Variants in MYO3B observed in about 807,000 individuals in gnomAD.
MYO3B encodes myosin IIIB.
Under a neutral mutation model 174.6 loss-of-function variants are expected in MYO3B, and 156 were observed. The observed-to-expected ratio is 0.89, with a 90% CI of 0.78 to 1.02. The LOEUF (loss-of-function observed/expected upper bound fraction) is 1.02, where lower values mean the gene tolerates loss of function less well. Among genes scored for constraint, MYO3B ranks in the 50% least tolerant of loss-of-function variants. The pLI is 0.00. For synonymous variants in MYO3B, 563 were observed against 569.1 expected (o/e 0.99, Z 0.15); for missense variants, 1,632 against 1,639.4 (o/e 1.00, Z 0.08).
intron 14 of MYO3B, 74 bp downstream of exon 14, chr2:170,387,382 C>A: frequency 7.3e-7 from 1 of 1,368,458 alleles, no homozygotes. Flanking sequence ...TTTAATGGTT[C>A]AGTTTTCATT....
intron 32 of MYO3B, among the ~76,000 whole-genome samples, chr2:170,631,276 T>C (rs1479011239): frequency 1.3e-5 from 2 of 152,112 alleles, no homozygotes. Flanking sequence ...TAGCCGACTC[T>C]ATCAACTGGA....
At chr2:170,406,688 C>CTCTT (rs58570436) in intron 21 of MYO3B, among the ~76,000 whole-genome samples, 140,076 of 151,988 alleles carry the variant, frequency 0.92, 64,768 homozygotes, top group Middle Eastern at 0.98. Context: ...GTCTTCTTGA[C>CTCTT]TCTTACTATT....
At chr2:170,321,497 A>G (rs1051528050) in intron 7 of MYO3B, among the ~76,000 whole-genome samples, 7 of 152,204 alleles carry the variant, frequency 4.6e-5, no homozygotes, top group Non-Finnish European at 7.4e-5. Flanking sequence ...TAAAAGAACT[A>G]CTTATCTTAG....
chr2:170,462,936 G>A (rs904653188), intron 23 of MYO3B, among the ~76,000 whole-genome samples: 6 of 152,242 alleles, frequency 3.9e-5, no homozygotes, highest in Admixed American at 6.5e-5. Flanking sequence ...AGAGTCTGAC[G>A]ACGTGGAAGG....
intron 7 of MYO3B, among the ~76,000 whole-genome samples, chr2:170,238,661 C>T (rs1390411244): frequency 6.6e-6 from 1 of 151,926 alleles, no homozygotes; most frequent in African/African-American, 2.4e-5. Flanking sequence ...AAAATAAAAC[C>T]TTGATGGAGT....
chr2:170,326,435 G>A (rs1425140168), intron 7 of MYO3B, among the ~76,000 whole-genome samples: 6 of 152,188 alleles, frequency 3.9e-5, no homozygotes, highest in Admixed American at 2.0e-4. Context: ...CCAGTCCTGG[G>A]GCAAGGTCTA....
At chr2:170,412,910 C>T (rs918561546) in intron 22 of MYO3B, among the ~76,000 whole-genome samples, 1 of 152,176 alleles carries the variant, frequency 6.6e-6, no homozygotes, top group African/African-American at 2.4e-5. Flanking sequence ...AAGAGACCCA[C>T]TTCTTTCTAT....
At chr2:170,266,275 A>G (rs2093382632) in intron 7 of MYO3B, among the ~76,000 whole-genome samples, 4 of 152,196 alleles carry the variant, frequency 2.6e-5, no homozygotes, top group Admixed American at 2.6e-4. Context: ...TAATGGATTG[A>G]GTGCCTACCT....
intron 23 of MYO3B, among the ~76,000 whole-genome samples, chr2:170,446,366 G>T (rs2094842524): frequency 6.6e-6 from 1 of 151,906 alleles, no homozygotes. Flanking sequence ...TTGACTACTG[G>T]ACTAAGGCAT....
intron 7 of MYO3B, among the ~76,000 whole-genome samples, chr2:170,309,895 T>C (rs900624848): frequency 1.8e-4 from 28 of 152,206 alleles, no homozygotes; most frequent in Non-Finnish European, 3.5e-4. Flanking sequence ...GGAAACAGTG[T>C]ACTCATTAAG....
chr2:170,372,590 C>T (rs1002670625), intron 9 of MYO3B, among the ~76,000 whole-genome samples: 4 of 152,136 alleles, frequency 2.6e-5, no homozygotes, highest in African/African-American at 9.7e-5. Flanking sequence ...AAAGGCAAAT[C>T]AGATGCAGTT....
chr2:170,199,436 CA>C, intron 2 of MYO3B, 45 bp downstream of exon 2: 3 of 1,357,914 alleles, frequency 2.2e-6, no homozygotes, highest in Non-Finnish European at 3.0e-6. Flanking sequence ...GTGTTTTATG[CA>C]CACTGAGTTT....
chr2:170,385,569 A>G (rs1182912464), intron 12 of MYO3B, among the ~76,000 whole-genome samples: 2 of 152,210 alleles, frequency 1.3e-5, no homozygotes, highest in Non-Finnish European at 2.9e-5. Flanking sequence ...TGAATGATAA[A>G]AATATCAACA....
chr2:170,527,730 A>G (rs1689094865), intron 30 of MYO3B, among the ~76,000 whole-genome samples: 1 of 152,224 alleles, frequency 6.6e-6, no homozygotes, highest in African/African-American at 2.4e-5. Flanking sequence ...TGTGTTTCTA[A>G]TAATGGTACT....
At chr2:170,347,768 T>A (rs2094028161) in intron 8 of MYO3B, among the ~76,000 whole-genome samples, 1 of 152,194 alleles carries the variant, frequency 6.6e-6, no homozygotes, top group African/African-American at 2.4e-5. Flanking sequence ...TCACATAAAA[T>A]ATTAACCGTC....
chr2:170,386,379 A>C, intron 13 of MYO3B, 107 bp downstream of exon 13: 1 of 852,516 alleles, frequency 1.2e-6, no homozygotes, highest in Non-Finnish European at 1.8e-6. Context: ...GGCTTACATA[A>C]AGACATTCCA....
intron 32 of MYO3B, among the ~76,000 whole-genome samples, chr2:170,571,052 G>T (rs1692407767): frequency 6.6e-6 from 1 of 152,094 alleles, no homozygotes; most frequent in Non-Finnish European, 1.5e-5. Context: ...CTTAAGACAG[G>T]TAACATGTAT....
chr2:170,263,278 G>T (rs1481074704), intron 7 of MYO3B, among the ~76,000 whole-genome samples: 1 of 152,190 alleles, frequency 6.6e-6, no homozygotes, highest in Non-Finnish European at 1.5e-5. Context: ...ATTGGGCTGG[G>T]TTGGAAGGTC....
intron 1 of MYO3B, among the ~76,000 whole-genome samples, chr2:170,183,851 A>G (rs1215028303): frequency 6.6e-6 from 1 of 151,734 alleles, no homozygotes; most frequent in Admixed American, 6.6e-5. Context: ...AATGCTAGAA[A>G]GGAATTAACC....
Sources: gnomAD v4.1 joint callset for allele counts (sites outside exome capture counted in the v4.1 genomes callset) on GRCh38, gnomAD v4.1.1 for gene constraint, MANE v1.5 for transcripts, NCBI Gene and HGNC (gene_info 2026-07-23, HGNC 2026-07-21) for gene names.